GRHL1: variants seen among roughly 807,000 people sequenced by gnomAD.
The protein encoded by GRHL1 is grainyhead like transcription factor 1, also known as grainyhead-like protein 1 homolog.
GRHL1 carries 38 observed loss-of-function variants against 75.7 expected under a neutral mutation model. The observed-to-expected ratio is 0.50, with a 90% CI of 0.39 to 0.66. The LOEUF (loss-of-function observed/expected upper bound fraction) is 0.66, where lower values mean the gene tolerates loss of function less well. Among genes scored for constraint, GRHL1 ranks in the 30% least tolerant of loss-of-function variants. The probability of loss-of-function intolerance (pLI) is 0.00; values close to 1 mark genes in which losing one functional copy is unlikely to be tolerated. For missense variants in GRHL1, 589 were observed against 767.5 expected (o/e 0.77, Z 2.75); for synonymous variants, 266 against 279.4 (o/e 0.95, Z 0.48).
Position 9,990,332 on chromosome 2 carries a change from G to A in GRHL1, c.1270-364G>A, listed in dbSNP as rs1198091423. Among the ~76,000 whole-genome samples, 4 of 151,676 alleles carry A rather than the reference G, an allele frequency of 2.6e-5. No homozygotes were observed. The highest frequency in any genetic ancestry group is 5.9e-5 in the Non-Finnish European group (4 of 67,900). On this transcript the variant is annotated intron_variant, in intron 9 of 15. Coordinates refer to ENST00000324907, the MANE Select transcript of GRHL1 (RefSeq NM_198182.3). The surrounding 1 kb of genome is among the most constrained non-coding windows in gnomAD (Gnocchi z 4.2). ...CGCCTGGCTAATTTTTGTATTTTTA[G>A]TAGAGGTGGGGTTTCACCATGTTGG...
At position 9,951,725 on chromosome 2, in the gene GRHL1, C is replaced by T. The variant is rs1666772415; in HGVS notation, c.-109C>T. On this transcript the variant is annotated 5_prime_UTR_variant, in exon 1 of 16. Coordinates refer to ENST00000324907, the MANE Select transcript of GRHL1 (RefSeq NM_198182.3). The surrounding 1 kb of genome is among the most constrained non-coding windows in gnomAD (Gnocchi z 4.2). ...GAAAAGCAAACCCAACCCGTCGGGG[C>T]CGCCGCTCCGGACCCGCAGCCGCCG... is the stretch of plus-strand genomic sequence containing the variant. 20 of 1,054,266 alleles carry T rather than the reference C, an allele frequency of 1.9e-5. No individual in the cohort carries two copies. The highest frequency in any genetic ancestry group is 2.4e-5 in the Non-Finnish European group (18 of 741,628). The allele number at this position is 1,054,266 out of a possible 1,614,324, so 65.3% of individuals were successfully genotyped here. A position where few individuals can be genotyped will look rare whatever the true frequency, so the allele number is the denominator to read the frequency against.
intron 2 of GRHL1, among the ~76,000 whole-genome samples, 167 bp from the exon 3 acceptor site, chr2:9,958,619 G>A (rs1209348404): frequency 6.6e-6 from 1 of 152,150 alleles, no homozygotes; most frequent in Non-Finnish European, 1.5e-5. Context: ...TTTTAAGCTC[G>A]TTGAGGGCAG....
chr2:9,998,703 T>C (rs1249173250), intron 14 of GRHL1, among the ~76,000 whole-genome samples: 1 of 73,180 alleles, frequency 1.4e-5, no homozygotes, highest in African/African-American at 7.2e-5. Flanking sequence ...CACACATATA[T>C]ATACATATAT....
chr2:9,965,004 A>G (rs1210536835), intron 7 of GRHL1: 1 of 322,520 alleles, frequency 3.1e-6, no homozygotes, highest in Admixed American at 4.4e-5. Flanking sequence ...GGTTCTACAG[A>G]GTAGTTTTGT....
chr2:9,956,322 A>G (rs1294107329), intron 2 of GRHL1, among the ~76,000 whole-genome samples: 1 of 152,168 alleles, frequency 6.6e-6, no homozygotes, highest in East Asian at 1.9e-4. Flanking sequence ...AGCCTGAGCA[A>G]CATGATGAGG....
chr2:9,978,390 A>T (rs1489847172), intron 8 of GRHL1, among the ~76,000 whole-genome samples: 1 of 152,228 alleles, frequency 6.6e-6, no homozygotes, highest in Non-Finnish European at 1.5e-5. Flanking sequence ...AATGTATGTC[A>T]GTAGACGATG....
chr2:9,994,310 A>AATTATTATTATTATTATTATT, intron 12 of GRHL1, among the ~76,000 whole-genome samples: 1 of 139,182 alleles, frequency 7.2e-6, no homozygotes. Context: ...ACACCCATCT[A>AATTATTATTATTATTATTATT]ATTATTATTA....
chr2:9,953,450 T>G (rs1666884538), intron 1 of GRHL1, among the ~76,000 whole-genome samples: 2 of 152,282 alleles, frequency 1.3e-5, no homozygotes, highest in Non-Finnish European at 2.9e-5. Flanking sequence ...TTGAGATTTG[T>G]GTAAGCAATC....
At chr2:9,961,490 G>C in intron 4 of GRHL1, 54 bp downstream of exon 4, 1 of 1,482,006 alleles carries the variant, frequency 6.7e-7, no homozygotes, top group Non-Finnish European at 9.1e-7. Context: ...ATAAGTATTG[G>C]GTTCCACCTT....
intron 14 of GRHL1, among the ~76,000 whole-genome samples, chr2:9,998,708 A>ACACATATATACG (rs1669074904): frequency 1.9e-5 from 1 of 53,156 alleles, no homozygotes; most frequent in Non-Finnish European, 3.1e-5. Context: ...ATATATATAC[A>ACACATATATACG]TATATATGTA....
At chr2:9,971,853 G>C (rs1667738833) in intron 8 of GRHL1, among the ~76,000 whole-genome samples, 1 of 152,184 alleles carries the variant, frequency 6.6e-6, no homozygotes, top group Admixed American at 6.5e-5. Flanking sequence ...CGAAGCTGCT[G>C]TTCTGGGGGT....
In GRHL1 at chr2:9,968,511, A is replaced by G. The variant is rs1232750258; in HGVS notation, c.1110+3130A>G. Among the ~76,000 whole-genome samples, 1 of 152,218 alleles carries G rather than the reference A, an allele frequency of 6.6e-6. No individual in the cohort carries two copies. The highest frequency in any genetic ancestry group is 1.9e-4 in the East Asian group (1 of 5,206). On this transcript the variant is annotated intron_variant, in intron 8 of 15. Coordinates refer to ENST00000324907, the MANE Select transcript of GRHL1 (RefSeq NM_198182.3). This position sits in a 1 kb window ranked among gnomAD's most constrained non-coding sequence, Gnocchi z 4.7. ...AAAGGCCATGAGGCGTTCACATTTCATTGTGAAATAATCAGTATTCTTCCT... is the reference window on the plus strand; with the variant it reads ...AAAGGCCATGAGGCGTTCACATTTCGTTGTGAAATAATCAGTATTCTTCCT...
rs577322134 is a variant in GRHL1 at position 9,998,464 on chromosome 2, A to G, written c.1678-501A>G. Among the ~76,000 whole-genome samples, 76 of 54,164 alleles carry G rather than the reference A, an allele frequency of 1.4e-3. 6 individuals are homozygous for G. Among genetic ancestry groups the G allele is most frequent in the African/African-American group, 7.8e-3 (70 of 8,932 alleles). The allele number at this position is 54,164 out of a possible 152,430, so 35.5% of individuals were successfully genotyped here. On this transcript the variant is annotated intron_variant, in intron 14 of 15. Coordinates refer to ENST00000324907, the MANE Select transcript of GRHL1 (RefSeq NM_198182.3). Reference sequence around the variant, plus strand: ...TGTGTGTGTGTATATATATACATATATATACGTATATATATACATATATAT... The same window carrying G: ...TGTGTGTGTGTATATATATACATATGTATACGTATATATATACATATATAT...
rs565799125 is a variant in GRHL1 at position 9,966,717 on chromosome 2, T to G, written c.1110+1336T>G. Among the ~76,000 whole-genome samples the G allele has an allele frequency of 4.6e-5, 7 of 152,230 alleles. No homozygotes were observed. In the South Asian group the frequency reaches 1.2e-3, roughly 27 times the overall value. Reference sequence around the variant, plus strand: ...CTGGGTCTTGAGAGCCATGTTCTGCTTGTATTATAATTGCTTTTCTTTCTT... The same window carrying G: ...CTGGGTCTTGAGAGCCATGTTCTGCGTGTATTATAATTGCTTTTCTTTCTT... On this transcript the variant is annotated intron_variant, in intron 8 of 15. Transcript: ENST00000324907.
intron 2 of GRHL1, among the ~76,000 whole-genome samples, chr2:9,956,112 T>C (rs2125202715): frequency 6.6e-6 from 1 of 152,374 alleles, no homozygotes; most frequent in South Asian, 2.1e-4. Flanking sequence ...AGTTTATTTT[T>C]GCTATCTTTT....
rs537260329 is a variant in GRHL1, at chr2:9,969,773, G to T, written c.1110+4392G>T. 3.8e-3 allele frequency among the ~76,000 whole-genome samples: 580 copies of T among 152,082 alleles called. 3 individuals carry two copies. Among genetic ancestry groups the T allele is most frequent in the Non-Finnish European group, 4.4e-3 (298 of 67,994 alleles). On this transcript the variant is annotated intron_variant, in intron 8 of 15. Transcript: ENST00000324907. ...TATGGCAGATGGGAAAACAGCTGCG[G>T]TCAAAGGAAATTGCAGGATTTCTCT...
chr2:9,986,573 C>T (rs1463254739), intron 9 of GRHL1, among the ~76,000 whole-genome samples: 4 of 108,626 alleles, frequency 3.7e-5, no homozygotes, highest in Non-Finnish European at 6.8e-5. Context: ...CACACCACCA[C>T]GGCCGGCTAG....
chr2:9,991,919 T>C (rs1413045196), intron 10 of GRHL1, 88 bp from the exon 11 acceptor site: 1 of 1,018,578 alleles, frequency 9.8e-7, no homozygotes, highest in Non-Finnish European at 1.4e-6. Flanking sequence ...AGTATCTTAC[T>C]CAGAGGCGAG....
chr2:9,989,669 C>G (rs1176616509), intron 9 of GRHL1, among the ~76,000 whole-genome samples: 1 of 152,138 alleles, frequency 6.6e-6, no homozygotes, highest in Non-Finnish European at 1.5e-5. Context: ...CTGCCTCAGC[C>G]TCCCGAGTAG....
Sources: allele counts gnomAD v4.1 joint callset (sites outside exome capture counted in the v4.1 genomes callset), GRCh38; gene constraint gnomAD v4.1.1; non-coding constraint Gnocchi (gnomAD v3.1); transcripts MANE v1.5; gene names NCBI Gene and HGNC (gene_info 2026-07-23, HGNC 2026-07-21).